The following PDZD2 variants were observed in gnomAD, a reference collection of about 807,000 sequenced individuals.
PDZD2 encodes PDZ domain-containing protein 2.
In PDZD2, 90 loss-of-function variants were observed where a neutral mutation model predicts 220.7. The ratio of observed to expected loss-of-function variants is 0.41; its 90% CI spans 0.34 to 0.49. The LOEUF (loss-of-function observed/expected upper bound fraction) is 0.49, where lower values mean the gene tolerates loss of function less well. Ranked by LOEUF, PDZD2 falls within the 20% of genes least tolerant of loss-of-function variation. PDZD2 has a pLI of 0.28. For missense variants in PDZD2, 3,174 were observed against 3,608.5 expected (o/e 0.88, Z 3.08); for synonymous variants, 1,375 against 1,450.5 (o/e 0.95, Z 1.18).
chr5:31,894,875 T>C (rs1254193909), intron 2 of PDZD2, among the ~76,000 whole-genome samples: 1 of 152,020 alleles, frequency 6.6e-6, no homozygotes, highest in African/African-American at 2.4e-5. Context: ...CCAGTCTTGC[T>C]CTCCTTTCCC....
At position 31,771,899 on chromosome 5, in the gene PDZD2, A is replaced by G. The variant is rs1752359582; in HGVS notation, c.-360-26990A>G. ...CTATTAAATGAGATAATTAGATTAG[A>G]TGAGAGATTTTCAAATATACTACTT... On this transcript the variant is annotated intron_variant, in intron 1 of 24. Transcript: ENST00000438447. Among the ~76,000 whole-genome samples, 7 of 152,180 alleles carry G rather than the reference A, an allele frequency of 4.6e-5. No homozygotes were observed. The South Asian group carries it at 1.2e-3, about 27-fold the overall frequency.
intron 2 of PDZD2, among the ~76,000 whole-genome samples, chr5:31,862,157 G>A (rs1189237564): frequency 2.2e-5 from 3 of 139,140 alleles, no homozygotes; most frequent in Non-Finnish European, 3.0e-5. Context: ...CTAGGCTGGA[G>A]TGCAGTGGCA....
At chr5:31,821,569 C>T (rs1249257921) in intron 2 of PDZD2, among the ~76,000 whole-genome samples, 20 of 152,062 alleles carry the variant, frequency 1.3e-4, no homozygotes, top group African/African-American at 4.1e-4. Context: ...TTAGTAGAGA[C>T]GGGGTTTCAC....
intron 2 of PDZD2, among the ~76,000 whole-genome samples, chr5:31,815,731 G>A (rs1308426023): frequency 6.6e-6 from 1 of 152,108 alleles, no homozygotes; most frequent in African/African-American, 2.4e-5. Context: ...CAGTTGGAGG[G>A]CTTAGAATTT....
At chr5:31,861,241 T>G (rs185530195) in intron 2 of PDZD2, among the ~76,000 whole-genome samples, 5 of 152,272 alleles carry the variant, frequency 3.3e-5, no homozygotes, top group Admixed American at 1.3e-4. Flanking sequence ...AGCCCCACCC[T>G]TCCTCTGCAC....
At chr5:32,039,123 C>G (rs1013830171) in intron 7 of PDZD2, among the ~76,000 whole-genome samples, 4 of 152,030 alleles carry the variant, frequency 2.6e-5, no homozygotes, top group African/African-American at 9.6e-5. Flanking sequence ...TCCCTCTCTC[C>G]TTTCTACGGT....
In PDZD2 at chr5:31,799,549, AG is replaced by A. The variant is rs750970663; in HGVS notation, c.308del (p.Gly103AlafsTer19). 3.1e-6 allele frequency: 5 copies of A among 1,613,952 alleles called. No individual in the cohort carries two copies. The highest frequency in any genetic ancestry group is 1.7e-5 in the Admixed American group (1 of 60,002). ...TTTCGGGGACTATGGTGAAAAGCGC[AG>A]GGGGGGCAAGAAGAGGAAAACCCAC... Reference protein sequence around the residue: ...PVFGDYGEKRRGGKKRKTHQG... With the variant: ...PVFGDYGEKRXGGKKRKTHQG... On this transcript the variant is annotated frameshift_variant, in exon 2 of 25. Transcript: ENST00000438447. LOFTEE classifies it high-confidence loss of function.
At chr5:31,873,574 T>TTTATTTAA (rs1327406449) in intron 2 of PDZD2, among the ~76,000 whole-genome samples, 1 of 150,106 alleles carries the variant, frequency 6.7e-6, no homozygotes, top group Non-Finnish European at 1.5e-5. Flanking sequence ...TATTTATTTA[T>TTTATTTAA]TTATTTAATA....
chr5:32,033,559 T>C (rs1755285403), intron 6 of PDZD2, among the ~76,000 whole-genome samples: 1 of 152,022 alleles, frequency 6.6e-6, no homozygotes, highest in African/African-American at 2.4e-5. Context: ...CTCTTTGAGA[T>C]ATCTCTAGGT....
At chr5:31,943,744 T>C (rs1746405102) in intron 2 of PDZD2, among the ~76,000 whole-genome samples, 1 of 152,176 alleles carries the variant, frequency 6.6e-6, no homozygotes, top group Non-Finnish European at 1.5e-5. Context: ...CAGACAGATA[T>C]AGGGCACAAC....
intron 1 of PDZD2, among the ~76,000 whole-genome samples, chr5:31,703,859 T>TTA (rs1283487750): frequency 6.6e-6 from 1 of 152,144 alleles, no homozygotes; most frequent in Admixed American, 6.5e-5. Flanking sequence ...TGTATAAACA[T>TTA]AAAGTAAATT....
At chr5:31,719,787 C>G (rs780191090) in intron 1 of PDZD2, among the ~76,000 whole-genome samples, 1 of 152,008 alleles carries the variant, frequency 6.6e-6, no homozygotes, top group Non-Finnish European at 1.5e-5. Context: ...TTGATTGAGG[C>G]CCTTGAATAT....
rs187599836 is a variant in PDZD2 at position 31,840,600 on chromosome 5, C to G, written c.476+40876C>G. 779 of 716,752 alleles carry G rather than the reference C, an allele frequency of 1.1e-3. 5 individuals are homozygous for G. In the African/African-American group the frequency reaches 0.013, roughly 12 times the overall value. 44.4% of individuals were successfully genotyped at this position (716,752 alleles called of 1,614,324 possible). ...GAGCAGGCTGGCACTTCAGTTGAACCCAGGTACCTTTCTGATAGGCTTCTT... is the reference window on the plus strand; with the variant it reads ...GAGCAGGCTGGCACTTCAGTTGAACGCAGGTACCTTTCTGATAGGCTTCTT... On this transcript the variant is annotated intron_variant, in intron 2 of 24. Transcript: ENST00000438447.
intron 2 of PDZD2, among the ~76,000 whole-genome samples, chr5:31,838,384 C>T (rs1283332203): frequency 6.6e-6 from 1 of 152,160 alleles, no homozygotes; most frequent in Non-Finnish European, 1.5e-5. Context: ...CCCAGAAATC[C>T]ATGGAGCTAG....
At chr5:31,888,134 T>G (rs1740685500) in intron 2 of PDZD2, among the ~76,000 whole-genome samples, 1 of 152,026 alleles carries the variant, frequency 6.6e-6, no homozygotes, top group Non-Finnish European at 1.5e-5. Context: ...CTTGTTTTGT[T>G]TCCTTTTCTT....
At chr5:31,669,691 A>G (rs1259829259) in intron 1 of PDZD2, among the ~76,000 whole-genome samples, 1 of 152,180 alleles carries the variant, frequency 6.6e-6, no homozygotes, top group African/African-American at 2.4e-5. Flanking sequence ...AATTATTAGG[A>G]GCATTTGTAA....
intron 1 of PDZD2, among the ~76,000 whole-genome samples, chr5:31,644,836 C>T (rs1561359951): frequency 6.6e-6 from 1 of 152,188 alleles, no homozygotes; most frequent in African/African-American, 2.4e-5. Context: ...GCATTGAACA[C>T]CTGGTTGACA....
At chr5:31,905,055 G>A (rs373313410) in intron 2 of PDZD2, among the ~76,000 whole-genome samples, 6 of 152,072 alleles carry the variant, frequency 3.9e-5, no homozygotes, top group Non-Finnish European at 5.9e-5. Context: ...TGCAACCTCC[G>A]TCTCCTGGGT....
chr5:32,097,249 C>G, intron 21 of PDZD2, 30 bp from the exon 22 acceptor site: 1 of 1,432,502 alleles, frequency 7.0e-7, no homozygotes, highest in Non-Finnish European at 9.9e-7. Flanking sequence ...AGCTGTAGCT[C>G]AAAGGATAAT....
Sources: allele counts gnomAD v4.1 joint callset (sites outside exome capture counted in the v4.1 genomes callset), GRCh38; gene constraint gnomAD v4.1.1; transcripts MANE v1.5; gene names NCBI Gene and HGNC (gene_info 2026-07-23, HGNC 2026-07-21).